The following SORCS3 variants were observed in gnomAD, a reference collection of about 807,000 sequenced individuals.
SORCS3 encodes VPS10 domain-containing receptor SorCS3.
Under a neutral mutation model 146.3 loss-of-function variants are expected in SORCS3, and 57 were observed. The ratio of observed to expected loss-of-function variants is 0.39; its 90% CI spans 0.31 to 0.49. The LOEUF is 0.49. SORCS3 is among the 20% of genes least tolerant of loss of function. SORCS3 has a pLI of 0.92. For synonymous variants in SORCS3, 653 were observed against 618.5 expected, an observed-to-expected ratio of 1.06 and a Z score of -0.83; for missense variants, 1,341 against 1,575.5, an observed-to-expected ratio of 0.85 and a Z score of 2.52.
chr10:104,711,185 T>C (rs1249641155), intron 1 of SORCS3, among the ~76,000 whole-genome samples: 1 of 152,240 alleles, frequency 6.6e-6, no homozygotes, highest in African/African-American at 2.4e-5. Flanking sequence ...ACTAATTTAA[T>C]CCTCACAACA....
intron 16 of SORCS3, among the ~76,000 whole-genome samples, chr10:105,203,277 C>T (rs527319156): frequency 6.6e-6 from 1 of 152,132 alleles, no homozygotes; most frequent in African/African-American, 2.4e-5. Flanking sequence ...CATTTTGAGC[C>T]CTTGGCAGCA....
chr10:104,830,169 T>G (rs143869278), intron 1 of SORCS3, among the ~76,000 whole-genome samples: 129 of 152,314 alleles, frequency 8.5e-4, no homozygotes, highest in Admixed American at 3.8e-3. Context: ...TTTCTCTTCC[T>G]GTGTTATTTT....
intron 1 of SORCS3, among the ~76,000 whole-genome samples, chr10:104,818,094 C>T (rs535511903): frequency 1.3e-5 from 2 of 152,284 alleles, no homozygotes; most frequent in South Asian, 2.1e-4. Context: ...ACACACACAC[C>T]TGTGCACACT....
intron 2 of SORCS3, among the ~76,000 whole-genome samples, chr10:104,905,809 G>A (rs983136178): frequency 3.9e-5 from 6 of 152,194 alleles, no homozygotes; most frequent in African/African-American, 1.4e-4. Flanking sequence ...GGGGAGGATG[G>A]CGGCAGAAGG....
chr10:105,225,964 A>T (rs1451125387), intron 20 of SORCS3, among the ~76,000 whole-genome samples: 1 of 151,878 alleles, frequency 6.6e-6, no homozygotes, highest in Non-Finnish European at 1.5e-5. Flanking sequence ...GAGTTTTTTC[A>T]TGGAGTCTCT....
At chr10:105,142,291 G>A (rs1046971988) in intron 8 of SORCS3, among the ~76,000 whole-genome samples, 5 of 152,160 alleles carry the variant, frequency 3.3e-5, no homozygotes, top group African/African-American at 1.2e-4. Flanking sequence ...AAGAGCCAAG[G>A]TTAAGAAATT....
At chr10:105,075,952 C>T (rs1467351426) in intron 5 of SORCS3, among the ~76,000 whole-genome samples, 5 of 152,310 alleles carry the variant, frequency 3.3e-5, no homozygotes, top group Non-Finnish European at 5.9e-5. Flanking sequence ...CTTTCCATTA[C>T]GTTCCAACAC....
At chr10:105,104,673 C>G (rs1345816807) in intron 6 of SORCS3, among the ~76,000 whole-genome samples, 1 of 152,166 alleles carries the variant, frequency 6.6e-6, no homozygotes, top group Non-Finnish European at 1.5e-5. Context: ...TTCCTTGAGT[C>G]CATTTCTTTG....
chr10:104,914,202 T>C (rs2018999863), intron 2 of SORCS3, among the ~76,000 whole-genome samples: 1 of 152,198 alleles, frequency 6.6e-6, no homozygotes, highest in Non-Finnish European at 1.5e-5. Context: ...TCTTTCCTCT[T>C]ATGAAGGGAG....
Position 104,953,500 on chromosome 10 carries a change from C to T in SORCS3, c.796-23835C>T, listed in dbSNP as rs554163984. Among the ~76,000 whole-genome samples the T allele has an allele frequency of 1.7e-3, 265 of 152,322 alleles. 1 individual carries two copies. The Middle Eastern group carries it at 0.02, about 12-fold the overall frequency. On this transcript the variant is annotated intron_variant, in intron 3 of 26. Transcript: ENST00000369701. ...AGTTAGAAATTCCTATTTAAGATGT[C>T]TAAGGTAGGATCCAGGAAAATGCAA... is the stretch of plus-strand genomic sequence containing the variant.
At chr10:104,949,870 AG>A (rs1221386161) in intron 3 of SORCS3, among the ~76,000 whole-genome samples, 1 of 152,238 alleles carries the variant, frequency 6.6e-6, no homozygotes, top group African/African-American at 2.4e-5. Context: ...CAGATGACTG[AG>A]AGAAGGGAAA....
rs573663611 is a variant in SORCS3 at position 104,643,818 on chromosome 10, G to A, written c.627+1864G>A. On this transcript the variant is annotated intron_variant, in intron 1 of 26. Transcript: ENST00000369701. Reference sequence around the variant, plus strand: ...GGAAGTAAATATATCCTAGGAAGAGGAGGATGCAATGTCTTTACATCTGTG... The same window carrying A: ...GGAAGTAAATATATCCTAGGAAGAGAAGGATGCAATGTCTTTACATCTGTG... Among the ~76,000 whole-genome samples, 139 of 151,828 alleles carry A rather than the reference G, an allele frequency of 9.2e-4. 2 individuals carry two copies. Among genetic ancestry groups the A allele is most frequent in the African/African-American group, 3.1e-3 (127 of 41,346 alleles).
chr10:104,861,926 C>T (rs1245245792), intron 2 of SORCS3, among the ~76,000 whole-genome samples: 1 of 152,200 alleles, frequency 6.6e-6, no homozygotes, highest in African/African-American at 2.4e-5. Flanking sequence ...GTAGAATCAT[C>T]ACCTTACCTC....
At chr10:104,710,363 A>C (rs1362456021) in intron 1 of SORCS3, among the ~76,000 whole-genome samples, 1 of 152,170 alleles carries the variant, frequency 6.6e-6, no homozygotes, top group African/African-American at 2.4e-5. Context: ...TTCATGTATC[A>C]CATATTTCTT....
intron 4 of SORCS3, among the ~76,000 whole-genome samples, chr10:105,022,123 C>T (rs747198464): frequency 6.6e-6 from 1 of 152,074 alleles, no homozygotes; most frequent in Non-Finnish European, 1.5e-5. Context: ...GTGGCGACTA[C>T]ATGTCATCCC....
intron 1 of SORCS3, among the ~76,000 whole-genome samples, chr10:104,824,322 C>T (rs1360954238): frequency 1.3e-5 from 2 of 152,190 alleles, no homozygotes; most frequent in Non-Finnish European, 2.9e-5. Flanking sequence ...AGAGTGTCTC[C>T]AACCTAGTGT....
In SORCS3 at chr10:104,678,771, A is replaced by G. The variant is rs964020117; in HGVS notation, c.627+36817A>G. ...TGTGGTATCCCTCAAAGTTGATACT[A>G]TGGAGGTTTAAAGAAATAATAGGAA... On this transcript the variant is annotated intron_variant, in intron 1 of 26. Coordinates refer to ENST00000369701, the MANE Select transcript of SORCS3 (RefSeq NM_014978.3). Among the ~76,000 whole-genome samples the G allele has an allele frequency of 5.9e-5, 9 of 152,222 alleles. 1 individual carries two copies. Among genetic ancestry groups the G allele is most frequent in the Non-Finnish European group, 8.8e-5 (6 of 68,038 alleles).
chr10:105,250,288 C>CA (rs2056891240), intron 22 of SORCS3, among the ~76,000 whole-genome samples: 3 of 152,018 alleles, frequency 2.0e-5, no homozygotes, highest in Admixed American at 2.0e-4. Flanking sequence ...GTGGGGGGTG[C>CA]AAAAACATTC....
At chr10:104,878,238 T>C (rs2018596333) in intron 2 of SORCS3, among the ~76,000 whole-genome samples, 1 of 152,140 alleles carries the variant, frequency 6.6e-6, no homozygotes, top group Admixed American at 6.6e-5. Flanking sequence ...AAGACATTCA[T>C]GGACCCTACT....
Sources: allele counts gnomAD v4.1 joint callset (sites outside exome capture counted in the v4.1 genomes callset), GRCh38; gene constraint gnomAD v4.1.1; transcripts MANE v1.5; gene names NCBI Gene and HGNC (gene_info 2026-07-23, HGNC 2026-07-21).